The following SH3KBP1 variants were observed in gnomAD, a reference collection of about 807,000 sequenced individuals.
SH3KBP1 encodes the protein SH3 domain containing kinase binding protein 1, also known as SH3 domain-containing kinase-binding protein 1.
SH3KBP1 carries 8 observed loss-of-function variants against 50.1 expected under a neutral mutation model. The ratio of observed to expected loss-of-function variants is 0.16; its 90% CI spans 0.09 to 0.29. SH3KBP1 has a LOEUF of 0.29. SH3KBP1 is among the 10% of genes least tolerant of loss of function. The probability of loss-of-function intolerance (pLI) is 1.00; values close to 1 mark genes in which losing one functional copy is unlikely to be tolerated. For missense variants in SH3KBP1, 377 were observed against 535.2 expected (o/e 0.70, Z 2.92); for synonymous variants, 227 against 218.6 (o/e 1.04, Z -0.34).
At chrX:19,576,815 T>C (rs1168086322) in intron 12 of SH3KBP1, among the ~76,000 whole-genome samples, 1 of 111,729 alleles carries the variant, frequency 9.0e-6, no homozygotes, top group Non-Finnish European at 1.9e-5. Flanking sequence ...TACTGCCTGC[T>C]GGGAGTGCTG....
intron 6 of SH3KBP1, among the ~76,000 whole-genome samples, chrX:19,663,798 G>A (rs1243938139): frequency 8.9e-6 from 1 of 111,921 alleles, no homozygotes. Flanking sequence ...GTTAAATGGG[G>A]CTCCCTGCTG....
intron 2 of SH3KBP1, among the ~76,000 whole-genome samples, chrX:19,775,662 C>A (rs2065949258): frequency 9.0e-6 from 1 of 111,361 alleles, no homozygotes; most frequent in African/African-American, 3.3e-5. Flanking sequence ...AGTACGCAGG[C>A]CCTGGACACC....
intron 3 of SH3KBP1, among the ~76,000 whole-genome samples, chrX:19,745,044 G>A (rs1282500741): frequency 8.9e-6 from 1 of 112,238 alleles, no homozygotes; most frequent in East Asian, 2.8e-4. Flanking sequence ...TCATTGGTTT[G>A]AAAGTGCAGA....
intron 6 of SH3KBP1, among the ~76,000 whole-genome samples, chrX:19,669,336 T>TTAG (rs1336990488): frequency 9.4e-6 from 1 of 106,338 alleles, no homozygotes; most frequent in Admixed American, 1.0e-4. Context: ...ATTATTATTA[T>TTAG]TATTACAAAG....
intron 2 of SH3KBP1, among the ~76,000 whole-genome samples, chrX:19,821,313 C>T (rs2067518035): frequency 9.0e-6 from 1 of 111,144 alleles, no homozygotes; most frequent in Admixed American, 9.6e-5. Context: ...ATCACTTGAA[C>T]CTGAGAGGCA....
intron 12 of SH3KBP1, among the ~76,000 whole-genome samples, chrX:19,581,683 T>C (rs1419789669): frequency 1.8e-5 from 2 of 110,241 alleles, no homozygotes; most frequent in Non-Finnish European, 3.8e-5. Flanking sequence ...ACTTCCATGC[T>C]CTTAAGTTGG....
intron 8 of SH3KBP1, among the ~76,000 whole-genome samples, chrX:19,618,007 G>T (rs1161709639): frequency 8.9e-6 from 1 of 112,018 alleles, no homozygotes; most frequent in Non-Finnish European, 1.9e-5. Flanking sequence ...GAATCAGGAA[G>T]GCCCATGGGG....
At chrX:19,688,570 A>G in intron 5 of SH3KBP1, among the ~76,000 whole-genome samples, 1 of 110,981 alleles carries the variant, frequency 9.0e-6, no homozygotes, top group Non-Finnish European at 1.9e-5. Flanking sequence ...TACAGAATAC[A>G]CACATACTGC....
chrX:19,779,443 ATACTTT>A (rs1438532143), intron 2 of SH3KBP1, among the ~76,000 whole-genome samples: 1 of 107,417 alleles, frequency 9.3e-6, no homozygotes, highest in Non-Finnish European at 1.9e-5. Flanking sequence ...TTTTTTTATT[ATACTTT>A]AAGTTTTAGG....
chrX:19,668,683 C>G (rs1369222726), intron 6 of SH3KBP1, among the ~76,000 whole-genome samples: 11 of 102,714 alleles, frequency 1.1e-4, no homozygotes, highest in Non-Finnish European at 1.4e-4. Flanking sequence ...AACCCCATCC[C>G]TACTAAAAAT....
At chrX:19,606,004 G>C (rs1235931112) in intron 9 of SH3KBP1, among the ~76,000 whole-genome samples, 1 of 111,836 alleles carries the variant, frequency 8.9e-6, no homozygotes, top group Non-Finnish European at 1.9e-5. Flanking sequence ...TGATGAGCTG[G>C]AGCAAAAAGA....
chrX:19,602,880 G>C (rs2067132522), intron 9 of SH3KBP1, among the ~76,000 whole-genome samples: 1 of 111,931 alleles, frequency 8.9e-6, no homozygotes, highest in Non-Finnish European at 1.9e-5. Context: ...AGGGAAGGTA[G>C]AGTTAAACCA....
intron 2 of SH3KBP1, among the ~76,000 whole-genome samples, chrX:19,754,232 C>A (rs1421215265): frequency 8.9e-6 from 1 of 111,947 alleles, no homozygotes; most frequent in Non-Finnish European, 1.9e-5. Flanking sequence ...AAGACCACAA[C>A]AAGTAACAGA....
At chrX:19,609,827 C>G (rs1042365325) in intron 8 of SH3KBP1, among the ~76,000 whole-genome samples, 3 of 112,316 alleles carry the variant, frequency 2.7e-5, no homozygotes, top group Non-Finnish European at 3.8e-5. Flanking sequence ...TCAATGCAGA[C>G]TCTTTCTAGC....
intron 6 of SH3KBP1, among the ~76,000 whole-genome samples, chrX:19,673,975 A>C (rs2062864101): frequency 8.9e-6 from 1 of 112,264 alleles, no homozygotes; most frequent in Admixed American, 9.4e-5. Context: ...CAAATACCAC[A>C]TTCCTTAAAA....
At chrX:19,842,130 A>C (rs977087524) in intron 1 of SH3KBP1, among the ~76,000 whole-genome samples, 2 of 112,197 alleles carry the variant, frequency 1.8e-5, no homozygotes, top group Admixed American at 9.5e-5. Flanking sequence ...AAATATTCTC[A>C]AATTAAATTG....
chrX:19,549,921 T>C (rs1011316379), intron 14 of SH3KBP1, 53 bp downstream of exon 14: 2 of 934,967 alleles, frequency 2.1e-6, no homozygotes, highest in Admixed American at 5.1e-5. Flanking sequence ...TAATCTGTCC[T>C]GCTTTTCCGC....
At chrX:19,744,768 G>C (rs2064869006) in intron 3 of SH3KBP1, among the ~76,000 whole-genome samples, 1 of 112,346 alleles carries the variant, frequency 8.9e-6, no homozygotes, top group African/African-American at 3.2e-5. Flanking sequence ...CAGATTTTCA[G>C]TGGTGAAGAG....
chrX:19,775,031 CA>C (rs939575971), intron 2 of SH3KBP1, among the ~76,000 whole-genome samples: 3 of 111,284 alleles, frequency 2.7e-5, no homozygotes, highest in Non-Finnish European at 5.7e-5. Flanking sequence ...AGACTTTTCA[CA>C]AAGGATTTGT....
Sources: gnomAD v4.1 joint callset for allele counts (sites outside exome capture counted in the v4.1 genomes callset) on GRCh38, gnomAD v4.1.1 for gene constraint, MANE v1.5 for transcripts, NCBI Gene and HGNC (gene_info 2026-07-23, HGNC 2026-07-21) for gene names.